The following BBS5 variants were observed in gnomAD, a reference collection of about 807,000 sequenced individuals.
BBS5 encodes the protein BBSome complex member BBS5.
BBS5 carries 39 observed loss-of-function variants against 50.2 expected under a neutral mutation model. The ratio of observed to expected loss-of-function variants is 0.78; its 90% confidence interval spans 0.60 to 1.01. The LOEUF (loss-of-function observed/expected upper bound fraction) is 1.01. BBS5 is among the 50% of genes least tolerant of loss of function. The pLI is 0.00. For missense variants in BBS5, 356 were observed against 401.5 expected, an observed-to-expected ratio of 0.89 and a Z score of 0.97; for synonymous variants, 134 against 133.1, an observed-to-expected ratio of 1.01 and a Z score of -0.05.
intron 2 of BBS5, among the ~76,000 whole-genome samples, chr2:169,485,102 G>A (rs559875259): frequency 3.3e-5 from 5 of 152,228 alleles, no homozygotes; most frequent in South Asian, 2.1e-4. Context: ...TCCTGGGACC[G>A]ACAGAAAAAT....
rs1285489711 is a variant in BBS5, at chr2:169,488,109, A to T, written c.381A>T (p.Val127=). The change falls in exon 5 of 12, where the codon GTA becomes GTT. Residue 127 remains valine, a synonymous_variant. Transcript: ENST00000295240. Reference sequence around the variant, plus strand: ...GACTTTTTACTTCTGTGATGGCAGTACACAGGTATAGTAATACTTTATGGA... The same window carrying T: ...GACTTTTTACTTCTGTGATGGCAGTTCACAGGTATAGTAATACTTTATGGA... The part of the protein sequence containing the change: ...SPRLFTSVMA[V]HRAYETSKMY... 1 of 1,613,066 alleles carries T rather than the reference A, an allele frequency of 6.2e-7. No individual in the cohort carries two copies. The highest frequency in any genetic ancestry group is 1.1e-5 in the South Asian group (1 of 91,046).
rs984312159 is a variant in BBS5, at chr2:169,482,792, C to A, written c.142+459C>A. 1.8e-5 allele frequency: 3 copies of A among 169,340 alleles called. No homozygotes were observed. The East Asian group carries it at 4.9e-4, about 28-fold the overall frequency. The allele number at this position is 169,340 out of a possible 1,614,324, so 10.5% of individuals were successfully genotyped here. A position where few individuals can be genotyped will look rare whatever the true frequency, so the allele number is the denominator to read the frequency against. On this transcript the variant is annotated intron_variant, in intron 2 of 11. Transcript: ENST00000295240. The stretch of plus-strand genomic sequence containing the variant: ...CAAATTTAGTCCTGCACTGTGAAAT[C>A]TATTTGTAGGTCAAGTACTAGAAAA...
intron 1 of BBS5, among the ~76,000 whole-genome samples, chr2:169,480,494 T>G (rs1683369569): frequency 6.6e-6 from 1 of 152,030 alleles, no homozygotes; most frequent in Non-Finnish European, 1.5e-5. Flanking sequence ...TTCCTTATCA[T>G]GGACCTCACC....
At chr2:169,494,534 T>C (rs1344350020) in intron 7 of BBS5, among the ~76,000 whole-genome samples, 1 of 151,200 alleles carries the variant, frequency 6.6e-6, no homozygotes, top group Non-Finnish European at 1.5e-5. Context: ...ATGGGCGACA[T>C]AGCTAGACTC....
intron 5 of BBS5, among the ~76,000 whole-genome samples, chr2:169,490,407 G>A (rs1365016502): frequency 1.3e-5 from 2 of 151,758 alleles, no homozygotes; most frequent in Non-Finnish European, 2.9e-5. Context: ...TTATAGAGAC[G>A]GGGTTTCACT....
chr2:169,505,237 G>A lies in BBS5; in HGVS notation c.*655G>A, dbSNP rs948004439. 98 of 466,448 alleles carry A rather than the reference G, an allele frequency of 2.1e-4. No homozygotes were observed. The highest frequency in any genetic ancestry group is 3.2e-4 in the Non-Finnish European group (79 of 250,786). The allele number at this position is 466,448 out of a possible 1,614,324, so 28.9% of individuals were successfully genotyped here. On this transcript the variant is annotated 3_prime_UTR_variant, in exon 12 of 12. Transcript: ENST00000295240. ...CTCCCGAGGTGCCGGGATTGCAGAC[G>A]GAGTCTGGTTCACTTAGTGCTCAAT...
At chr2:169,498,934 C>T (rs888843725) in intron 8 of BBS5, 4 of 156,084 alleles carry the variant, frequency 2.6e-5, no homozygotes, top group African/African-American at 9.7e-5. Flanking sequence ...CATATACTCT[C>T]ACCTATTACA....
At chr2:169,503,247 GGT>G in intron 10 of BBS5, 69 bp downstream of exon 10, 1 of 1,283,736 alleles carries the variant, frequency 7.8e-7, no homozygotes, top group Non-Finnish European at 1.1e-6. Flanking sequence ...ATAAAATAAT[GGT>G]GTGTGTGAAA....
At chr2:169,499,457 G>T (rs996584533) in intron 8 of BBS5, 29 bp from the exon 9 acceptor site, 113 of 1,567,576 alleles carry the variant, frequency 7.2e-5, no homozygotes, top group South Asian at 5.4e-4. Context: ...GACTTGTTGG[G>T]TTTTTTTTTA....
chr2:169,505,047 C>A lies in BBS5; in HGVS notation c.*465C>A, dbSNP rs1011884644. The stretch of plus-strand genomic sequence containing the variant: ...TGCTGCCATCTCTGGCTCACTGCAA[C>A]CTCCCTGCCTGATTCTCCTGCCTCA... On this transcript the variant is annotated 3_prime_UTR_variant, in exon 12 of 12. Transcript: ENST00000295240. 9.4e-6 allele frequency: 14 copies of A among 1,482,290 alleles called. No homozygotes were observed. The highest frequency in any genetic ancestry group is 2.3e-5 in the South Asian group (2 of 88,500). The allele number at this position is 1,482,290 out of a possible 1,614,324, so 91.8% of individuals were successfully genotyped here.
Position 169,479,510 on chromosome 2 carries a change from G to C in BBS5, c.-44G>C, listed in dbSNP as rs201103869. ...CTTGGAGCCAGAGAGACGCAGCTAG[G>C]CCTGCACGGCTGTGGAGAGATCCTG... On this transcript the variant is annotated 5_prime_UTR_variant, in exon 1 of 12. Coordinates refer to ENST00000295240, the MANE Select transcript of BBS5 (RefSeq NM_152384.3). 3 of 1,606,386 alleles carry C rather than the reference G, an allele frequency of 1.9e-6. No homozygotes were observed. The highest frequency in any genetic ancestry group is 2.7e-5 in the African/African-American group (2 of 74,894).
Position 169,487,836 on chromosome 2 carries a change from C to T in BBS5, c.239C>T (p.Thr80Ile), listed in dbSNP as rs1683512099. 1.9e-6 allele frequency: 3 copies of T among 1,607,442 alleles called. No individual in the cohort carries two copies. The highest frequency in any genetic ancestry group is 1.7e-4 in the Middle Eastern group (1 of 5,836). Residue 80 changes from threonine (T) to isoleucine (I), a missense_variant, in exon 4 of 12, where the codon ACA becomes ATA. Transcript: ENST00000295240. ...GGTTACAATTGCATATTGAATATTA[C>T]AACAAGGACTGCTAACTCTGTAAGT... is the stretch of plus-strand genomic sequence containing the variant. ...SVGYNCILNI[T>I]TRTANSKLRG...
intron 2 of BBS5, among the ~76,000 whole-genome samples, chr2:169,484,793 T>C (rs1005454429): frequency 6.6e-5 from 10 of 151,916 alleles, no homozygotes; most frequent in Admixed American, 3.3e-4. Context: ...TAGAAATGAG[T>C]TTGTAAAGAA....
At chr2:169,489,317 G>T (rs1451525429) in intron 5 of BBS5, among the ~76,000 whole-genome samples, 1 of 151,918 alleles carries the variant, frequency 6.6e-6, no homozygotes, top group Non-Finnish European at 1.5e-5. Context: ...AAAAAAATTA[G>T]CTGAGCATGG....
chr2:169,501,463 T>G (rs1574343755), intron 9 of BBS5, among the ~76,000 whole-genome samples: 1 of 152,238 alleles, frequency 6.6e-6, no homozygotes, highest in African/African-American at 2.4e-5. Flanking sequence ...CGGTGGCTTA[T>G]GCTTGTAATC....
intron 2 of BBS5, chr2:169,482,807 G>A (rs541832110): frequency 6.1e-6 from 1 of 164,094 alleles, no homozygotes; most frequent in Non-Finnish European, 1.3e-5. Context: ...TGTAGGTCAA[G>A]TACTAGAAAA....
At position 169,505,091 on chromosome 2, in the gene BBS5, A is replaced by T. The variant is rs1406112377; in HGVS notation, c.*509A>T. The T allele has an allele frequency of 6.2e-6, 7 of 1,132,494 alleles. No homozygotes were observed. The highest frequency in any genetic ancestry group is 9.2e-6 in the Non-Finnish European group (7 of 762,278). 70.2% of individuals were successfully genotyped at this position (1,132,494 alleles called of 1,614,324 possible). A position where few individuals can be genotyped will look rare whatever the true frequency, so the allele number is the denominator to read the frequency against. On this transcript the variant is annotated 3_prime_UTR_variant, in exon 12 of 12. Coordinates refer to ENST00000295240, the MANE Select transcript of BBS5 (RefSeq NM_152384.3). ...TGCCTCAGCCTGCCGAGTGCCTGCG[A>T]TTACAGGCGCGCGCCGCCACACCTG...
In BBS5 at chr2:169,497,066, C is replaced by T. The variant is rs1035836005; in HGVS notation, c.619-561C>T. 5.3e-5 allele frequency among the ~76,000 whole-genome samples: 8 copies of T among 151,162 alleles called. 1 individual carries two copies. In the South Asian group the frequency reaches 1.7e-3, roughly 32 times the overall value. ...TGGGCACTGTGGCTTATGCCTGTAA[C>T]CCCAGCACTTTGGGAGACCAAGAAA... On this transcript the variant is annotated intron_variant, in intron 7 of 11. Coordinates refer to ENST00000295240, the MANE Select transcript of BBS5 (RefSeq NM_152384.3).
chr2:169,492,764 AT>A, intron 5 of BBS5, 109 bp from the exon 6 acceptor site: 1 of 941,642 alleles, frequency 1.1e-6, no homozygotes, highest in Non-Finnish European at 1.6e-6. Flanking sequence ...TATCATAATT[AT>A]TTGAGTAATG....
Sources: allele counts gnomAD v4.1 joint callset (sites outside exome capture counted in the v4.1 genomes callset), GRCh38; gene constraint gnomAD v4.1.1; transcripts MANE v1.5; gene names NCBI Gene and HGNC (gene_info 2026-07-23, HGNC 2026-07-21).